GNPTAB: variants seen among roughly 807,000 people sequenced by gnomAD.
GNPTAB encodes N-acetylglucosamine-1-phosphate transferase subunits alpha and beta.
GNPTAB carries 92 observed loss-of-function variants against 136.6 expected under a neutral mutation model. The observed-to-expected ratio is 0.67, with a 90% CI of 0.57 to 0.80. The LOEUF (loss-of-function observed/expected upper bound fraction) is 0.80, where lower values mean the gene tolerates loss of function less well. GNPTAB is among the 30% of genes least tolerant of loss of function. The pLI is 0.00. For synonymous variants in GNPTAB, 512 were observed against 535.1 expected (o/e 0.96, Z 0.60); for missense variants, 1,343 against 1,501.8 (o/e 0.89, Z 1.75).
At chr12:101,820,994 T>C (rs1325113931) in intron 1 of GNPTAB, among the ~76,000 whole-genome samples, 3 of 146,684 alleles carry the variant, frequency 2.0e-5, no homozygotes, top group African/African-American at 7.7e-5. Context: ...GAGGTGGAGG[T>C]TGCAGTGAGC....
intron 19 of GNPTAB, among the ~76,000 whole-genome samples, chr12:101,750,921 C>A (rs1447339510): frequency 6.6e-6 from 1 of 152,090 alleles, no homozygotes; most frequent in East Asian, 1.9e-4. Context: ...TGGTTCACAC[C>A]TGACTGACTG....
chr12:101,817,265 C>CTTTTTTTTTTTTTTTTTTTTTTTTTTTT (rs71438444), intron 1 of GNPTAB, among the ~76,000 whole-genome samples: 1 of 108,216 alleles, frequency 9.2e-6, no homozygotes, highest in Non-Finnish European at 1.8e-5. Context: ...TATCATTCCA[C>CTTTTTTTTTTTTTTTTTTTTTTTTTTTT]TTTTTTTTTT....
intron 13 of GNPTAB, among the ~76,000 whole-genome samples, chr12:101,763,221 C>CA (rs754822672): frequency 0.011 from 686 of 59,756 alleles, 4 homozygotes; most frequent in South Asian, 0.02. Flanking sequence ...AACTCCATCT[C>CA]AAAAAAAAAA....
chr12:101,754,690 A>C (rs1952875340), intron 18 of GNPTAB, among the ~76,000 whole-genome samples: 1 of 152,068 alleles, frequency 6.6e-6, no homozygotes, highest in African/African-American at 2.4e-5. Context: ...AGGGCCCATT[A>C]AAGTGGCTTG....
In GNPTAB at chr12:101,785,998, T is replaced by C. The variant is rs1272711011; in HGVS notation, c.571+14A>G. On this transcript the variant is annotated intron_variant, in intron 5 of 20. Transcript: ENST00000299314. ...TGATAACATGATTTTAAAATATCCATAAAAAGATCTTACCATCCTTAGTAC... is the reference window on the plus strand; with the variant it reads ...TGATAACATGATTTTAAAATATCCACAAAAAGATCTTACCATCCTTAGTAC... The C allele has an allele frequency of 2.5e-6, 4 of 1,570,052 alleles. No individual in the cohort carries two copies. The highest frequency in any genetic ancestry group is 3.5e-6 in the Non-Finnish European group (4 of 1,140,444).
intron 1 of GNPTAB, among the ~76,000 whole-genome samples, chr12:101,807,334 G>A (rs1353835859): frequency 2.6e-5 from 4 of 152,184 alleles, no homozygotes; most frequent in African/African-American, 7.2e-5. Flanking sequence ...ACTTAGTGAT[G>A]AGAAACTACA....
rs1953147621 is a variant in GNPTAB, at chr12:101,770,038, G to A, written c.1267C>T (p.His423Tyr). 1 of 1,614,034 alleles carries A rather than the reference G, an allele frequency of 6.2e-7. No individual in the cohort carries two copies. Among genetic ancestry groups the A allele is most frequent in the Non-Finnish European group, 8.5e-7 (1 of 1,180,000 alleles). ...GCACTCACCTTCTGGCCTTTGGAGT[G>A]ACTGTAAAAATCATCTGGCCAGACA... ...KDVWPDDFYS[H>Y]SKGQKVYLTW... Residue 423 changes from histidine to tyrosine, a missense_variant, in exon 10 of 21, where the codon CAC becomes TAC. By Grantham distance (83) the His-to-Tyr change is moderately conservative. Coordinates refer to ENST00000299314, the MANE Select transcript of GNPTAB (RefSeq NM_024312.5).
chr12:101,811,007 C>T (rs995251228), intron 1 of GNPTAB, among the ~76,000 whole-genome samples: 3 of 152,150 alleles, frequency 2.0e-5, no homozygotes, highest in African/African-American at 4.8e-5. Context: ...GAAGGGTTTG[C>T]GAGTATCTAG....
rs930352653 is a variant in GNPTAB at position 101,780,523 on chromosome 12, T to C, written c.636+34A>G. On this transcript the variant is annotated intron_variant, in intron 6 of 20. Transcript: ENST00000299314. ...TTATTCATATTTTTATTCTAGTCTA[T>C]TGTAAAAATGCAATTAAATTTAAAA... is the stretch of plus-strand genomic sequence containing the variant. The C allele has an allele frequency of 1.1e-5, 15 of 1,424,164 alleles. No individual in the cohort carries two copies. The Middle Eastern group carries it at 6.7e-4, about 64-fold the overall frequency. 88.2% of individuals were successfully genotyped at this position (1,424,164 alleles called of 1,614,324 possible).
At chr12:101,756,958 G>A (rs371718955) in intron 18 of GNPTAB, 19 of 369,696 alleles carry the variant, frequency 5.1e-5, no homozygotes, top group East Asian at 1.4e-4. Context: ...CCCACAATGC[G>A]ATCTGTCCCT....
At chr12:101,828,008 C>T (rs1871186641) in intron 1 of GNPTAB, among the ~76,000 whole-genome samples, 2 of 152,142 alleles carry the variant, frequency 1.3e-5, no homozygotes, top group Admixed American at 6.6e-5. Flanking sequence ...TCCAAAAGGA[C>T]TTACAATTAG....
intron 7 of GNPTAB, chr12:101,778,682 G>C (rs575950850): frequency 4.6e-5 from 7 of 152,242 alleles, no homozygotes; most frequent in Admixed American, 1.3e-4. Flanking sequence ...CAAGGTGAGG[G>C]GATCACCTGA....
rs1326617532 is a variant in GNPTAB at position 101,830,703 on chromosome 12, G to A, written c.-28C>T. 7.1e-6 allele frequency: 10 copies of A among 1,401,638 alleles called. No homozygotes were observed. In the East Asian group the frequency reaches 2.0e-4, roughly 27 times the overall value. 86.8% of individuals were successfully genotyped at this position (1,401,638 alleles called of 1,614,324 possible). On this transcript the variant is annotated 5_prime_UTR_variant, in exon 1 of 21. Coordinates refer to ENST00000299314, the MANE Select transcript of GNPTAB (RefSeq NM_024312.5). ...CCCCTTCACCGCCACGCCACGCCCCGAGGAGCCTGAGCCGCCGCCGCCGCC... is the reference window on the plus strand; with the variant it reads ...CCCCTTCACCGCCACGCCACGCCCCAAGGAGCCTGAGCCGCCGCCGCCGCC...
intron 7 of GNPTAB, among the ~76,000 whole-genome samples, chr12:101,775,968 G>A (rs1311349619): frequency 1.3e-5 from 2 of 152,098 alleles, no homozygotes; most frequent in Non-Finnish European, 2.9e-5. Context: ...ACCCAGTGCA[G>A]CCTCTTTCTC....
chr12:101,810,518 A>G (rs1282797004), intron 1 of GNPTAB: 1 of 151,192 alleles, frequency 6.6e-6, no homozygotes, highest in Non-Finnish European at 1.5e-5. Flanking sequence ...AAATTTAGCA[A>G]CTGCTCACCA....
At position 101,780,621 on chromosome 12, in the gene GNPTAB, A is replaced by G; in HGVS notation, c.572T>C (p.Val191Ala). The part of the protein sequence containing the change: ...SVVVFDSTKD[V>A]EDAHSGLLKG... Reference sequence around the variant, plus strand: ...AAGCAGTCCAGAGTGGGCATCTTCAACTACAACCAAGAATACAATAAACAA... The same window carrying G: ...AAGCAGTCCAGAGTGGGCATCTTCAGCTACAACCAAGAATACAATAAACAA... Residue 191 changes from valine (V) to alanine (A), a missense_variant and splice_region_variant, in exon 6 of 21, where the codon GTT (valine) becomes GCT (alanine). Physicochemically the swap from Val to Ala is moderately conservative, Grantham distance 64. Transcript: ENST00000299314. 6.2e-7 allele frequency: 1 copy of G among 1,600,332 alleles called. No individual in the cohort carries two copies. The highest frequency in any genetic ancestry group is 8.6e-7 in the Non-Finnish European group (1 of 1,167,586).
intron 19 of GNPTAB, 76 bp from the exon 20 acceptor site, chr12:101,749,267 C>T (rs1047741486): frequency 8.4e-5 from 71 of 849,490 alleles, no homozygotes; most frequent in Non-Finnish European, 1.3e-4. Context: ...TATTTATATA[C>T]TAGTTCTATA....
chr12:101,765,219 G>T lies in GNPTAB; in HGVS notation c.1698C>A (p.Phe566Leu), dbSNP rs1953071459. The change falls in exon 13 of 21, where the codon TTC becomes TTA. Residue 566 changes from phenylalanine (F) to leucine (L), a missense_variant. By Grantham distance (22) the Phe-to-Leu change is conservative. Coordinates refer to ENST00000299314, the MANE Select transcript of GNPTAB (RefSeq NM_024312.5). The stretch of plus-strand genomic sequence containing the variant: ...CTCTTTTGGCTACTTCTGCAAAGCT[G>T]AAATAAGGCAGGCATTCACCTTTTG... ...IIPKGECLPY[F>L]SFAEVAKRGV... is the part of the protein sequence containing the mutation. 6.2e-7 allele frequency: 1 copy of T among 1,613,886 alleles called. No individual in the cohort carries two copies. Among genetic ancestry groups the T allele is most frequent in the South Asian group, 1.1e-5 (1 of 91,080 alleles).
At chr12:101,781,555 T>A (rs1953344902) in intron 5 of GNPTAB, among the ~76,000 whole-genome samples, 1 of 152,018 alleles carries the variant, frequency 6.6e-6, no homozygotes, top group South Asian at 2.1e-4. Flanking sequence ...TGTGGTGGTG[T>A]GCACCTATAG....
Sources: allele counts gnomAD v4.1 joint callset (sites outside exome capture counted in the v4.1 genomes callset), GRCh38; gene constraint gnomAD v4.1.1; transcripts MANE v1.5; gene names NCBI Gene and HGNC (gene_info 2026-07-23, HGNC 2026-07-21).